ABI3BP: variants seen among roughly 807,000 people sequenced by gnomAD.
The protein encoded by ABI3BP is ABI family member 3 binding protein.
Under a neutral mutation model 268.6 loss-of-function variants are expected in ABI3BP, and 216 were observed. That is an observed-to-expected ratio of 0.80 (90% CI 0.72 to 0.90). ABI3BP has a LOEUF of 0.90. ABI3BP is among the 40% of genes least tolerant of loss of function. The pLI is 0.00. For missense variants in ABI3BP, 2,090 were observed against 2,182.4 expected (o/e 0.96, Z 0.84); for synonymous variants, 730 against 730.0 (o/e 1.00, Z 0.00).
At position 100,808,078 on chromosome 3, in the gene ABI3BP, A is replaced by G. The variant is rs1446798050; in HGVS notation, c.3682+83T>C. ...ACAAGTGTTAAAGACTCAATCTGCTATCATAACTATTAATGAACAATTTGC... is the reference window on the plus strand; with the variant it reads ...ACAAGTGTTAAAGACTCAATCTGCTGTCATAACTATTAATGAACAATTTGC... On this transcript the variant is annotated intron_variant, in intron 50 of 67. Coordinates refer to ENST00000471714, the MANE Select transcript of ABI3BP (RefSeq NM_001375547.2). 5.0e-6 allele frequency: 6 copies of G among 1,191,672 alleles called. No individual in the cohort carries two copies. The African/African-American group carries it at 7.6e-5, about 15-fold the overall frequency. 73.8% of individuals were successfully genotyped at this position (1,191,672 alleles called of 1,614,324 possible).
intron 55 of ABI3BP, among the ~76,000 whole-genome samples, chr3:100,791,402 A>G (rs1473827057): frequency 6.6e-6 from 1 of 151,898 alleles, no homozygotes; most frequent in Non-Finnish European, 1.5e-5. Flanking sequence ...GTGTGGAATG[A>G]AAGTCTTTAT....
At chr3:100,906,580 A>G (rs1026475790) in intron 2 of ABI3BP, among the ~76,000 whole-genome samples, 1 of 152,244 alleles carries the variant, frequency 6.6e-6, no homozygotes, top group Non-Finnish European at 1.5e-5. Flanking sequence ...AGAAAGATAT[A>G]TACCTAAAAT....
In ABI3BP at chr3:100,813,747, G is replaced by A; in HGVS notation, c.3290-12C>T. ...CAGTTCAGTCAGAGCTGAAAGAAGA[G>A]GGTCTCAATTGTAAGAGTAATTTTC... On this transcript the variant is annotated splice_polypyrimidine_tract_variant and intron_variant, in intron 44 of 67. Coordinates refer to ENST00000471714, the MANE Select transcript of ABI3BP (RefSeq NM_001375547.2). 6.5e-7 allele frequency: 1 copy of A among 1,532,566 alleles called. No homozygotes were observed. The allele number at this position is 1,532,566 out of a possible 1,614,324, so 94.9% of individuals were successfully genotyped here.
intron 63 of ABI3BP, among the ~76,000 whole-genome samples, chr3:100,758,001 G>T (rs1324721299): frequency 6.6e-6 from 1 of 152,124 alleles, no homozygotes; most frequent in Non-Finnish European, 1.5e-5. Flanking sequence ...GACAAATGCT[G>T]TCAAGCCTTT....
intron 20 of ABI3BP, chr3:100,844,364 T>C (rs574232434): frequency 8.0e-5 from 79 of 985,288 alleles, no homozygotes; most frequent in Non-Finnish European, 9.4e-5. Flanking sequence ...TAAGACATGG[T>C]AGGTGGCTGT....
At chr3:100,849,426 T>G (rs150129418) in intron 17 of ABI3BP, among the ~76,000 whole-genome samples, 1,785 of 152,024 alleles carry the variant, frequency 0.012, 27 homozygotes, top group African/African-American at 0.04. Context: ...ATTTCACCAT[T>G]TTGGCCATGC....
chr3:100,813,199 G>A (rs1449966348), intron 45 of ABI3BP, among the ~76,000 whole-genome samples: 1 of 152,108 alleles, frequency 6.6e-6, no homozygotes, highest in African/African-American at 2.4e-5. Context: ...AGCTTGAAGG[G>A]CAGTATGTTT....
intron 63 of ABI3BP, among the ~76,000 whole-genome samples, chr3:100,764,765 C>T (rs925373559): frequency 2.0e-5 from 3 of 152,212 alleles, no homozygotes; most frequent in Non-Finnish European, 2.9e-5. Context: ...CTTTCTCCCC[C>T]TCTCGATCTA....
rs116190182 is a variant in ABI3BP, at chr3:100,841,366, A to G, written c.1766-508T>C. Among the ~76,000 whole-genome samples, 943 of 152,166 alleles carry G rather than the reference A, an allele frequency of 6.2e-3. 8 individuals are homozygous for G. The highest frequency in any genetic ancestry group is 0.02 in the African/African-American group (847 of 41,524). On this transcript the variant is annotated intron_variant, in intron 21 of 67. Coordinates refer to ENST00000471714, the MANE Select transcript of ABI3BP (RefSeq NM_001375547.2). ...TTTGAAAGTAAGAAAAACACCTCCA[A>G]AAGAGAAAACATAAATATATCCTAT... is the stretch of plus-strand genomic sequence containing the variant.
intron 1 of ABI3BP, among the ~76,000 whole-genome samples, chr3:100,958,540 A>G (rs1584918450): frequency 1.3e-5 from 2 of 152,254 alleles, no homozygotes; most frequent in East Asian, 3.8e-4. Flanking sequence ...AGTGTCCTAA[A>G]ACTTTTGTAA....
chr3:100,749,398 C>T lies in ABI3BP; in HGVS notation c.*1097G>A, dbSNP rs565573002. 3.5e-5 allele frequency: 13 copies of T among 367,282 alleles called. No homozygotes were observed. Among genetic ancestry groups the T allele is most frequent in the South Asian group, 1.5e-4 (1 of 6,660 alleles). 22.8% of individuals were successfully genotyped at this position (367,282 alleles called of 1,614,324 possible). ...CTTGTTTGAAAAATACAAAATGTAG[C>T]GTTGATAAGATTGAAGCATGTTGAA... On this transcript the variant is annotated 3_prime_UTR_variant, in exon 68 of 68. Coordinates refer to ENST00000471714, the MANE Select transcript of ABI3BP (RefSeq NM_001375547.2).
At chr3:100,960,795 G>A (rs1309204913) in intron 1 of ABI3BP, among the ~76,000 whole-genome samples, 3 of 152,218 alleles carry the variant, frequency 2.0e-5, no homozygotes, top group South Asian at 2.1e-4. Flanking sequence ...CAAGGAAAGA[G>A]GGTCCTCATT....
chr3:100,809,893 G>T (rs767966425), intron 49 of ABI3BP, among the ~76,000 whole-genome samples: 1 of 151,812 alleles, frequency 6.6e-6, no homozygotes, highest in Non-Finnish European at 1.5e-5. Flanking sequence ...TTTTTTATTT[G>T]TATGCAGTGA....
intron 61 of ABI3BP, 150 bp downstream of exon 61, chr3:100,774,455 C>G (rs2096643600): frequency 1.7e-6 from 1 of 581,422 alleles, no homozygotes; most frequent in African/African-American, 1.9e-5. Flanking sequence ...CAGCTGACAC[C>G]CAGTTGACTT....
Position 100,817,490 on chromosome 3 carries a change from TAAC to T in ABI3BP, c.3091_3093del (p.Val1031del), listed in dbSNP as rs1245284356. 1 of 1,490,616 alleles carries T rather than the reference TAAC, an allele frequency of 6.7e-7. No individual in the cohort carries two copies. The highest frequency in any genetic ancestry group is 2.1e-5 in the Admixed American group (1 of 48,112). 92.3% of individuals were successfully genotyped at this position (1,490,616 alleles called of 1,614,324 possible). On this transcript the variant is annotated inframe_deletion and splice_region_variant, in exon 42 of 68. Coordinates refer to ENST00000471714, the MANE Select transcript of ABI3BP (RefSeq NM_001375547.2). The stretch of plus-strand genomic sequence containing the variant: ...AAAGTGTCAGGTTCAAGGACTGTAG[TAAC>T]AACTAGACAAAAATAATAAAATAAA...
chr3:100,832,822 A>G (rs1163217544), intron 30 of ABI3BP, among the ~76,000 whole-genome samples: 1 of 152,190 alleles, frequency 6.6e-6, no homozygotes, highest in African/African-American at 2.4e-5. Context: ...ACTTCATGAT[A>G]TCATTTGATA....
intron 1 of ABI3BP, among the ~76,000 whole-genome samples, chr3:100,937,101 A>G (rs1255825687): frequency 6.6e-6 from 1 of 152,084 alleles, no homozygotes; most frequent in Non-Finnish European, 1.5e-5. Flanking sequence ...TAGTTTGCCA[A>G]CTTTTGGTTA....
At chr3:100,884,462 G>C (rs952850079) in intron 6 of ABI3BP, among the ~76,000 whole-genome samples, 1 of 152,002 alleles carries the variant, frequency 6.6e-6, no homozygotes, top group African/African-American at 2.4e-5. Context: ...ATTTGCCTTA[G>C]GCAGATTAAT....
At chr3:100,864,151 C>CA in intron 11 of ABI3BP, 75 bp from the exon 12 acceptor site, 1 of 950,362 alleles carries the variant, frequency 1.1e-6, no homozygotes, top group Non-Finnish European at 1.6e-6. Flanking sequence ...TGATCATGCA[C>CA]AGCAAGCTTT....
Sources: gnomAD v4.1 joint callset for allele counts (sites outside exome capture counted in the v4.1 genomes callset) on GRCh38, gnomAD v4.1.1 for gene constraint, MANE v1.5 for transcripts, NCBI Gene and HGNC (gene_info 2026-07-23, HGNC 2026-07-21) for gene names.